Variants in MCOLN2 observed in about 807,000 individuals in gnomAD.
MCOLN2 encodes the protein mucolipin TRP cation channel 2, also known as mucolipin-2.
MCOLN2 carries 57 observed loss-of-function variants against 67.5 expected under a neutral mutation model. The ratio of observed to expected loss-of-function variants is 0.84; its 90% CI spans 0.68 to 1.05. The LOEUF (loss-of-function observed/expected upper bound fraction) is 1.05, where lower values mean the gene tolerates loss of function less well. MCOLN2 is among the 50% of genes least tolerant of loss of function. The pLI, the probability that MCOLN2 is intolerant of heterozygous loss-of-function variation, is 0.00. For missense variants in MCOLN2, 620 were observed against 678.8 expected (o/e 0.91, Z 0.96); for synonymous variants, 246 against 233.3 (o/e 1.05, Z -0.50).
intron 11 of MCOLN2, among the ~76,000 whole-genome samples, chr1:84,935,601 C>A (rs1647382397): frequency 6.6e-6 from 1 of 152,114 alleles, no homozygotes; most frequent in South Asian, 2.1e-4. Flanking sequence ...TGAATACATG[C>A]TGAAATAATA....
intron 2 of MCOLN2, among the ~76,000 whole-genome samples, chr1:84,963,855 T>C (rs1454273434): frequency 6.6e-6 from 1 of 152,228 alleles, no homozygotes; most frequent in African/African-American, 2.4e-5. Flanking sequence ...TAGTTCTTTA[T>C]AGCAATGGGA....
In MCOLN2 at chr1:84,987,582, A is replaced by G. The variant is rs867934151; in HGVS notation, c.77+9214T>C. ...TATGTATACATAGATGTATACATAG[A>G]TATATACATATGTATATAGATGTAT... On this transcript the variant is annotated intron_variant, in intron 1 of 13. Coordinates refer to ENST00000370608, the MANE Select transcript of MCOLN2 (RefSeq NM_153259.4). 5.0e-3 allele frequency among the ~76,000 whole-genome samples: 432 copies of G among 86,832 alleles called. 44 individuals are homozygous for G. The highest frequency in any genetic ancestry group is 0.017 in the African/African-American group (418 of 25,282). The allele number at this position is 86,832 out of a possible 152,430, so 57.0% of individuals were successfully genotyped here.
intron 1 of MCOLN2, among the ~76,000 whole-genome samples, chr1:84,975,203 C>G (rs1010229932): frequency 5.3e-5 from 8 of 152,108 alleles, no homozygotes; most frequent in African/African-American, 1.9e-4. Flanking sequence ...CAGGAAGTAG[C>G]CAGGGAGTAG....
chr1:84,958,289 TC>T (rs1400417767), intron 3 of MCOLN2, among the ~76,000 whole-genome samples: 5 of 152,174 alleles, frequency 3.3e-5, no homozygotes, highest in African/African-American at 4.8e-5. Context: ...GGGGTAATTT[TC>T]CAAAAGCAGT....
chr1:84,967,663 G>A (rs1177171469), intron 1 of MCOLN2, among the ~76,000 whole-genome samples: 1 of 146,930 alleles, frequency 6.8e-6, no homozygotes, highest in Non-Finnish European at 1.5e-5. Flanking sequence ...GGAAAGGAAG[G>A]AAAAGAGGAA....
chr1:84,941,703 A>T (rs574189546), intron 7 of MCOLN2, among the ~76,000 whole-genome samples: 15 of 152,322 alleles, frequency 9.8e-5, no homozygotes, highest in African/African-American at 3.4e-4. Context: ...CATTAATAAG[A>T]GAACAAACAA....
At chr1:84,989,864 T>C (rs1020288288) in intron 1 of MCOLN2, among the ~76,000 whole-genome samples, 6 of 152,160 alleles carry the variant, frequency 3.9e-5, no homozygotes, top group African/African-American at 1.4e-4. Flanking sequence ...CAGTGAACAT[T>C]GAACAATAAA....
chr1:84,940,833 G>C, intron 8 of MCOLN2, 46 bp downstream of exon 8: 1 of 1,357,014 alleles, frequency 7.4e-7, no homozygotes. Context: ...GGCAAACTGA[G>C]GGCGCAGGCC....
At chr1:84,935,491 T>C (rs930881900) in intron 11 of MCOLN2, among the ~76,000 whole-genome samples, 1 of 152,162 alleles carries the variant, frequency 6.6e-6, no homozygotes, top group Non-Finnish European at 1.5e-5. Flanking sequence ...CAGCATCCAA[T>C]AGATAGCTAG....
In MCOLN2 at chr1:84,933,744, T is replaced by C. The variant is rs558069540; in HGVS notation, c.1336-2176A>G. Among the ~76,000 whole-genome samples, 10 of 152,356 alleles carry C rather than the reference T, an allele frequency of 6.6e-5. No homozygotes were observed. In the South Asian group the frequency reaches 1.9e-3, roughly 28 times the overall value. ...AACTGTCTGTGCTTCAGGTTTCAAC[T>C]GCAAATAGCTAGTTTGTCAGTACAT... is the stretch of plus-strand genomic sequence containing the variant. On this transcript the variant is annotated intron_variant, in intron 11 of 13. Transcript: ENST00000370608.
intron 6 of MCOLN2, among the ~76,000 whole-genome samples, chr1:84,951,607 G>A (rs1648472283): frequency 6.6e-6 from 1 of 152,198 alleles, no homozygotes; most frequent in South Asian, 2.1e-4. Context: ...AAGCTGGGAA[G>A]AACACTATAG....
At chr1:84,959,589 G>A (rs533997326) in intron 2 of MCOLN2, among the ~76,000 whole-genome samples, 47 of 151,938 alleles carry the variant, frequency 3.1e-4, no homozygotes, top group African/African-American at 1.1e-3. Context: ...TCTCACGTGC[G>A]TCCTCTCTGT....
At chr1:84,969,570 C>CAAAAAAAAAA (rs60003501) in intron 1 of MCOLN2, among the ~76,000 whole-genome samples, 1 of 80,704 alleles carries the variant, frequency 1.2e-5, no homozygotes, top group Non-Finnish European at 2.7e-5. Flanking sequence ...GACTCTGCCT[C>CAAAAAAAAAA]AAAAAAAAAA....
chr1:84,987,930 C>T (rs1020964340), intron 1 of MCOLN2, among the ~76,000 whole-genome samples: 6 of 151,748 alleles, frequency 4.0e-5, no homozygotes, highest in African/African-American at 7.3e-5. Flanking sequence ...GTTGGAATGG[C>T]GTAAAAGATA....
chr1:84,968,517 G>A (rs988866087), intron 1 of MCOLN2, among the ~76,000 whole-genome samples: 3 of 152,146 alleles, frequency 2.0e-5, no homozygotes, highest in East Asian at 1.9e-4. Context: ...ACAGAAACAG[G>A]ACTAAGCATA....
At chr1:84,966,149 G>A (rs1649371450) in intron 1 of MCOLN2, among the ~76,000 whole-genome samples, 1 of 152,096 alleles carries the variant, frequency 6.6e-6, no homozygotes, top group African/African-American at 2.4e-5. Flanking sequence ...TTTCTCGGGA[G>A]GCTGAGGCAG....
At position 84,956,443 on chromosome 1, in the gene MCOLN2, C is replaced by T. The variant is rs766531026; in HGVS notation, c.553G>A (p.Asp185Asn). The T allele has an allele frequency of 4.3e-6, 7 of 1,611,320 alleles. No homozygotes were observed. Among genetic ancestry groups the T allele is most frequent in the Middle Eastern group, 1.6e-4 (1 of 6,068 alleles). Residue 185 changes from aspartate to asparagine, a missense_variant, in exon 4 of 14, where the codon GAC becomes AAC. Asp to Asn is a conservative substitution (Grantham distance 23, BLOSUM62 1). Transcript: ENST00000370608. Reference sequence around the variant, plus strand: ...ATCACTGCATTACCGAGCTCAACGTCGTTGTCAATATTCAGTGTCTCATTA... The same window carrying T: ...ATCACTGCATTACCGAGCTCAACGTTGTTGTCAATATTCAGTGTCTCATTA... ...PSNETLNIDN[D>N]VELDCVQLDL...
intron 2 of MCOLN2, among the ~76,000 whole-genome samples, chr1:84,963,124 G>A (rs1481561989): frequency 1.3e-5 from 2 of 152,308 alleles, no homozygotes; most frequent in East Asian, 1.9e-4. Context: ...ACTAACTGAA[G>A]GATTGTAAGC....
chr1:84,957,675 T>A (rs1274772507), intron 3 of MCOLN2, among the ~76,000 whole-genome samples: 1 of 152,168 alleles, frequency 6.6e-6, no homozygotes, highest in Non-Finnish European at 1.5e-5. Context: ...ATATAGCATC[T>A]CCCTTACCAC....
Sources: gnomAD v4.1 joint callset for allele counts (sites outside exome capture counted in the v4.1 genomes callset) on GRCh38, gnomAD v4.1.1 for gene constraint, MANE v1.5 for transcripts, NCBI Gene and HGNC (gene_info 2026-07-23, HGNC 2026-07-21) for gene names.